CHMP5: variants seen among roughly 807,000 people sequenced by gnomAD.
CHMP5 encodes SNF7 domain containing 2.
A neutral mutation model predicts 33.0 loss-of-function variants in CHMP5; 17 were observed. The observed-to-expected ratio is 0.52, with a 90% confidence interval of 0.35 to 0.77. The LOEUF (loss-of-function observed/expected upper bound fraction) is 0.77, where lower values mean the gene tolerates loss of function less well. CHMP5 is among the 30% of genes least tolerant of loss of function. The pLI is 0.01. For missense variants in CHMP5, 216 were observed against 261.5 expected (o/e 0.83, Z 1.20); for synonymous variants, 76 against 90.2 (o/e 0.84, Z 0.89).
Position 33,278,173 on chromosome 9 carries a change from C to T in CHMP5, c.557C>T (p.Ala186Val). 1 of 1,613,382 alleles carries T rather than the reference C, an allele frequency of 6.2e-7. No individual in the cohort carries two copies. The highest frequency in any genetic ancestry group is 8.5e-7 in the Non-Finnish European group (1 of 1,179,590). ...GAAGACAGTTCTTATTTGGATGAGG[C>T]AGCATCTGCACCTGCAATTCCAGAA... is the stretch of plus-strand genomic sequence containing the variant. ...ADEDSSYLDEAASAPAIPEGV... is the reference protein window; with the variant it reads ...ADEDSSYLDEVASAPAIPEGV... The change falls in exon 7 of 8, where the codon GCA (alanine) becomes GTA (valine). Residue 186 changes from alanine to valine, a missense_variant. Coordinates refer to ENST00000223500, the MANE Select transcript of CHMP5 (RefSeq NM_016410.6).
At chr9:33,277,460 G>A (rs1820869689) in intron 6 of CHMP5, among the ~76,000 whole-genome samples, 1 of 152,170 alleles carries the variant, frequency 6.6e-6, no homozygotes, top group Non-Finnish European at 1.5e-5. Flanking sequence ...AGAGGCATGG[G>A]ACCTGAAGGG....
At chr9:33,266,316 C>G (rs1316624850) in intron 2 of CHMP5, among the ~76,000 whole-genome samples, 1 of 152,108 alleles carries the variant, frequency 6.6e-6, no homozygotes, top group Non-Finnish European at 1.5e-5. Context: ...ACTGAAAATA[C>G]AAAAACTTAG....
intron 7 of CHMP5, 29 bp from the exon 8 acceptor site, chr9:33,280,780 T>C (rs780781641): frequency 1.1e-5 from 18 of 1,565,992 alleles, no homozygotes; most frequent in East Asian, 2.2e-5. Flanking sequence ...AGAAAAATAG[T>C]GGCACTAAAC....
chr9:33,266,625 G>A (rs1820729807), intron 2 of CHMP5, among the ~76,000 whole-genome samples: 2 of 152,188 alleles, frequency 1.3e-5, no homozygotes, highest in African/African-American at 4.8e-5. Context: ...GATTGATCTG[G>A]TGGAAAGAGA....
intron 7 of CHMP5, among the ~76,000 whole-genome samples, chr9:33,279,066 A>C (rs1215073772): frequency 2.0e-5 from 3 of 152,100 alleles, no homozygotes; most frequent in Non-Finnish European, 4.4e-5. Flanking sequence ...CTGCGATTAC[A>C]GGTGCGCGCC....
rs1394328812 is a variant in CHMP5 at position 33,281,940 on chromosome 9, T to C, written c.*1081T>C. On this transcript the variant is annotated 3_prime_UTR_variant, in exon 8 of 8. Coordinates refer to ENST00000223500, the MANE Select transcript of CHMP5 (RefSeq NM_016410.6). ...CCAATTTCAGGGTCTTTAATGATCC[T>C]GTCCTCCCTTCCTCATTCAACTTGT... is the stretch of plus-strand genomic sequence containing the variant. 6.6e-6 allele frequency: 1 copy of C among 152,280 alleles called. No individual in the cohort carries two copies. The highest frequency in any genetic ancestry group is 1.5e-5 in the Non-Finnish European group (1 of 68,062). 9.4% of individuals were successfully genotyped at this position (152,280 alleles called of 1,614,324 possible). A position where few individuals can be genotyped will look rare whatever the true frequency, so the allele number is the denominator to read the frequency against.
chr9:33,275,678 A>G (rs1306844656), intron 5 of CHMP5, among the ~76,000 whole-genome samples: 1 of 152,186 alleles, frequency 6.6e-6, no homozygotes, highest in Non-Finnish European at 1.5e-5. Flanking sequence ...ACAATCATCT[A>G]TTCTCACATA....
intron 5 of CHMP5, among the ~76,000 whole-genome samples, chr9:33,271,652 T>G (rs1403602214): frequency 6.6e-6 from 1 of 152,202 alleles, no homozygotes; most frequent in Non-Finnish European, 1.5e-5. Flanking sequence ...TGAGCACAAT[T>G]AAGGTAGGCT....
chr9:33,265,628 G>T (rs1285685184), intron 1 of CHMP5, among the ~76,000 whole-genome samples: 1 of 152,310 alleles, frequency 6.6e-6, no homozygotes, highest in Middle Eastern at 3.4e-3. Context: ...CCCCGATTTA[G>T]GGAATGGCAT....
In CHMP5 at chr9:33,271,154, T is replaced by C; in HGVS notation, c.318T>C (p.Val106=). 1 of 1,611,388 alleles carries C rather than the reference T, an allele frequency of 6.2e-7. No individual in the cohort carries two copies. Among genetic ancestry groups the C allele is most frequent in the Non-Finnish European group, 8.5e-7 (1 of 1,177,488 alleles). ...IQSLKDTKTT[V]DAMKLGVKEM... Reference sequence around the variant, plus strand: ...TGTTTTCTTCTTCCTTTTCTTAGGTTGATGCTATGAAACTGGGAGTAAAGG... The same window carrying C: ...TGTTTTCTTCTTCCTTTTCTTAGGTCGATGCTATGAAACTGGGAGTAAAGG... Residue 106 remains valine, a splice_region_variant and synonymous_variant, in exon 5 of 8, where the codon GTT becomes GTC. Coordinates refer to ENST00000223500, the MANE Select transcript of CHMP5 (RefSeq NM_016410.6).
intron 7 of CHMP5, among the ~76,000 whole-genome samples, chr9:33,279,177 A>C (rs1418974345): frequency 2.6e-5 from 4 of 152,180 alleles, no homozygotes; most frequent in African/African-American, 9.7e-5. Flanking sequence ...TGCCTGCCTC[A>C]GCCTTCCAAA....
intron 5 of CHMP5, among the ~76,000 whole-genome samples, chr9:33,271,990 C>T (rs770814679): frequency 1.3e-4 from 20 of 152,132 alleles, no homozygotes; most frequent in Non-Finnish European, 2.5e-4. Context: ...CAACTCCTGG[C>T]GTGGTAGACT....
intron 1 of CHMP5, 138 bp from the exon 2 acceptor site, chr9:33,265,872 C>A: frequency 1.9e-6 from 1 of 534,440 alleles, no homozygotes; most frequent in Non-Finnish European, 3.4e-6. Context: ...TTGGGAATAC[C>A]CTTCTTTGTG....
In CHMP5 at chr9:33,270,703, A is replaced by T; in HGVS notation, c.302A>T (p.Asp101Val). 6.2e-7 allele frequency: 1 copy of T among 1,612,234 alleles called. No homozygotes were observed. The highest frequency in any genetic ancestry group is 8.5e-7 in the Non-Finnish European group (1 of 1,178,340). Residue 101 changes from aspartate to valine, a missense_variant, in exon 4 of 8, where the codon GAC (aspartate) becomes GTC (valine). Physicochemically the swap from Asp to Val is radical, Grantham distance 152 (BLOSUM62 -3). Coordinates refer to ENST00000223500, the MANE Select transcript of CHMP5 (RefSeq NM_016410.6). ...AATTATACCATCCAGTCTTTGAAGG[A>T]CACCAAGACCACGGTACTCCCAAAA... ...QANYTIQSLKDTKTTVDAMKL... is the reference protein window; with the variant it reads ...QANYTIQSLKVTKTTVDAMKL...
intron 5 of CHMP5, among the ~76,000 whole-genome samples, chr9:33,275,450 C>G (rs1466121188): frequency 6.6e-6 from 1 of 152,144 alleles, no homozygotes; most frequent in African/African-American, 2.4e-5. Flanking sequence ...CCAGGGTGGG[C>G]CCATGTACAA....
chr9:33,268,303 A>G (rs909311371), intron 3 of CHMP5, among the ~76,000 whole-genome samples: 1 of 152,174 alleles, frequency 6.6e-6, no homozygotes, highest in Non-Finnish European at 1.5e-5. Context: ...TTTATTTTAG[A>G]GTGTACCTTT....
chr9:33,280,780 TG>T, intron 7 of CHMP5, 28 bp from the exon 8 acceptor site: 1 of 1,566,104 alleles, frequency 6.4e-7, no homozygotes, highest in Non-Finnish European at 8.7e-7. Context: ...AGAAAAATAG[TG>T]GCACTAAACA....
intron 5 of CHMP5, among the ~76,000 whole-genome samples, chr9:33,273,604 T>A (rs996220995): frequency 6.6e-6 from 1 of 152,208 alleles, no homozygotes; most frequent in Non-Finnish European, 1.5e-5. Flanking sequence ...TAGAAAATAT[T>A]TTCATTGTTT....
chr9:33,276,565 G>T lies in CHMP5; in HGVS notation c.496+1G>T, dbSNP rs747930802. The T allele has an allele frequency of 6.4e-7, 1 of 1,558,340 alleles. No individual in the cohort carries two copies. Among genetic ancestry groups the T allele is most frequent in the Non-Finnish European group, 8.8e-7 (1 of 1,130,988 alleles). On this transcript the variant is annotated splice_donor_variant, in intron 6 of 7. Transcript: ENST00000223500. LOFTEE classifies it high-confidence loss of function. ...CTGGATGAAGATGATTTAGAAGCAG[G>T]TAAGTTATGAGAAAAGTAATGTATA...
Sources: gnomAD v4.1 joint callset for allele counts (sites outside exome capture counted in the v4.1 genomes callset) on GRCh38, gnomAD v4.1.1 for gene constraint, MANE v1.5 for transcripts, NCBI Gene and HGNC (gene_info 2026-07-23, HGNC 2026-07-21) for gene names.